The following MTOR variants were observed in gnomAD, a reference collection of about 807,000 sequenced individuals.
MTOR encodes the protein serine/threonine-protein kinase mTOR.
MTOR carries 70 observed loss-of-function variants against 319.8 expected under a neutral mutation model. The observed-to-expected ratio is 0.22, with a 90% CI of 0.18 to 0.27. The LOEUF is 0.27. MTOR is among the 10% of genes least tolerant of loss of function. The pLI is 1.00. For missense variants in MTOR, 1,890 were observed against 3,274.4 expected, an observed-to-expected ratio of 0.58 and a Z score of 10.32; for synonymous variants, 1,183 against 1,211.4, an observed-to-expected ratio of 0.98 and a Z score of 0.49.
rs35051217 is a variant in MTOR at position 11,208,131 on chromosome 1, G to C, written c.3801+1181C>G. Among the ~76,000 whole-genome samples, 513 of 152,346 alleles carry C rather than the reference G, an allele frequency of 3.4e-3. 2 individuals are homozygous for C. Among genetic ancestry groups the C allele is most frequent in the Non-Finnish European group, 5.2e-3 (355 of 68,032 alleles). ...GCCTCCTGCCTGGCCCCTCCCTCCAGTGTGAGGTGTCAGCAGGGTGGCCTC... is the reference window on the plus strand; with the variant it reads ...GCCTCCTGCCTGGCCCCTCCCTCCACTGTGAGGTGTCAGCAGGGTGGCCTC... On this transcript the variant is annotated intron_variant, in intron 25 of 57. Coordinates refer to ENST00000361445, the MANE Select transcript of MTOR (RefSeq NM_004958.4).
intron 31 of MTOR, 37 bp from the exon 32 acceptor site, chr1:11,146,828 G>T: frequency 1.3e-6 from 2 of 1,501,624 alleles, no homozygotes; most frequent in East Asian, 2.3e-5. Context: ...CATCAAGGGG[G>T]TTGGCTGGTT....
intron 28 of MTOR, among the ~76,000 whole-genome samples, chr1:11,179,281 G>A (rs75599216): frequency 0.03 from 4,541 of 152,230 alleles, 176 homozygotes; most frequent in Admixed American, 0.071. Context: ...TTGGGATGCA[G>A]CATACAATTC....
At chr1:11,130,472 T>C (rs2100428420) in intron 39 of MTOR, 57 bp downstream of exon 39, 1 of 1,580,026 alleles carries the variant, frequency 6.3e-7, no homozygotes, top group South Asian at 1.2e-5. Flanking sequence ...AACGATTCCA[T>C]TTCTCAGAGA....
At chr1:11,189,454 C>T in intron 28 of MTOR, 2 of 1,171,136 alleles carry the variant, frequency 1.7e-6, no homozygotes, top group Non-Finnish European at 2.4e-6. Context: ...GAGAAAACAA[C>T]AAAGTGGCGA....
At chr1:11,196,964 C>T (rs532525277) in intron 28 of MTOR, among the ~76,000 whole-genome samples, 25 of 151,876 alleles carry the variant, frequency 1.6e-4, no homozygotes, top group African/African-American at 5.8e-4. Context: ...AATGTATATA[C>T]TAAAATAAGC....
At chr1:11,252,013 G>A (rs1649761379) in intron 6 of MTOR, among the ~76,000 whole-genome samples, 1 of 152,002 alleles carries the variant, frequency 6.6e-6, no homozygotes, top group African/African-American at 2.4e-5. Flanking sequence ...GTGCTGTGCT[G>A]GACACTTCAC....
At position 11,209,336 on chromosome 1, in the gene MTOR, G is replaced by A. The variant is rs755448166; in HGVS notation, c.3777C>T (p.His1259=). 4.9e-5 allele frequency: 79 copies of A among 1,614,054 alleles called. No homozygotes were observed. Among genetic ancestry groups the A allele is most frequent in the Non-Finnish European group, 6.4e-5 (76 of 1,180,028 alleles). ...CCTTTTGGAGGTTGATGGTGCTGAC[G>A]TGCAGTTTCTTCATGGGTCCTGTTT... is the stretch of plus-strand genomic sequence containing the variant. ...PVETGPMKKL[H]VSTINLQKAW... The change falls in exon 25 of 58, where the codon CAC becomes CAT. Residue 1259 remains histidine (H), a synonymous_variant. Transcript: ENST00000361445.
intron 26 of MTOR, among the ~76,000 whole-genome samples, chr1:11,203,683 A>T (rs1166991136): frequency 1.3e-5 from 2 of 152,222 alleles, no homozygotes; most frequent in Non-Finnish European, 2.9e-5. Context: ...AAGAAAAAAT[A>T]AATTCTGGCA....
chr1:11,247,557 T>C (rs1649012723), intron 8 of MTOR, 68 bp downstream of exon 8: 1 of 1,431,756 alleles, frequency 7.0e-7, no homozygotes, highest in Non-Finnish European at 9.8e-7. Context: ...GATATTTGGC[T>C]TTTCTGGAAT....
At chr1:11,162,903 C>T (rs1190951565) in intron 29 of MTOR, among the ~76,000 whole-genome samples, 1 of 152,166 alleles carries the variant, frequency 6.6e-6, no homozygotes, top group African/African-American at 2.4e-5. Context: ...CAGCTAACAT[C>T]ATAATGACAG....
At chr1:11,131,968 TTTA>T in intron 38 of MTOR, 1 of 152,336 alleles carries the variant, frequency 6.6e-6, no homozygotes, top group South Asian at 2.1e-4. Context: ...CATACCTTCA[TTTA>T]TTCACTGAAT....
intron 49 of MTOR, among the ~76,000 whole-genome samples, chr1:11,119,553 A>G (rs1412768988): frequency 1.5e-5 from 2 of 136,452 alleles, no homozygotes; most frequent in Non-Finnish European, 3.1e-5. Flanking sequence ...CCTGGGTGAC[A>G]GACTGAGATT....
intron 13 of MTOR, among the ~76,000 whole-genome samples, chr1:11,235,994 AAAG>A (rs1477057176): frequency 1.3e-5 from 2 of 151,324 alleles, no homozygotes; most frequent in Non-Finnish European, 2.9e-5. Flanking sequence ...AAAAAAAAAG[AAAG>A]AAGATTGCAG....
rs778675093 is a variant in MTOR at position 11,194,972 on chromosome 1, C to T, written c.4253+4286G>A. On this transcript the variant is annotated intron_variant, in intron 28 of 57. Coordinates refer to ENST00000361445, the MANE Select transcript of MTOR (RefSeq NM_004958.4). ...GGTATGGCTGGCATGGATCTACCTA[C>T]TCCCTCAAACGGGTGGAGATGAAAA... 5 of 1,614,104 alleles carry T rather than the reference C, an allele frequency of 3.1e-6. No homozygotes were observed. The South Asian group carries it at 4.4e-5, about 14-fold the overall frequency.
rs1296454654 is a variant in MTOR at position 11,215,995 on chromosome 1, C to CAAAGGG, written c.3117+152_3117+153insCCCTTT. ...ACCTGGAGCAACAGCCCTTCCTCCCCCTCAAAATCCAGTGGGCTTTGTTCC... is the reference window on the plus strand; with the variant it reads ...ACCTGGAGCAACAGCCCTTCCTCCCCAAAGGGCTCAAAATCCAGTGGGCTTTGTTCC... On this transcript the variant is annotated intron_variant, in intron 20 of 57. Coordinates refer to ENST00000361445, the MANE Select transcript of MTOR (RefSeq NM_004958.4). 9.8e-5 allele frequency among the ~76,000 whole-genome samples: 15 copies of CAAAGGG among 152,322 alleles called. No individual in the cohort carries two copies. The East Asian group carries it at 1.9e-3, about 20-fold the overall frequency.
chr1:11,108,362 T>A, intron 56 of MTOR, 76 bp from the exon 57 acceptor site: 1 of 1,119,558 alleles, frequency 8.9e-7, no homozygotes, highest in South Asian at 1.3e-5. Context: ...TGGGCTTAAC[T>A]GTCTATGCCA....
At chr1:11,192,116 T>A (rs1645561856) in intron 28 of MTOR, among the ~76,000 whole-genome samples, 1 of 152,068 alleles carries the variant, frequency 6.6e-6, no homozygotes, top group Admixed American at 6.6e-5. Flanking sequence ...CCCCTCTGGA[T>A]CTCCCCATAT....
chr1:11,197,810 T>C (rs1396766568), intron 28 of MTOR, among the ~76,000 whole-genome samples: 1 of 152,222 alleles, frequency 6.6e-6, no homozygotes, highest in East Asian at 1.9e-4. Flanking sequence ...CCCAGAGTGC[T>C]GGGATTACAG....
chr1:11,220,031 C>CAAAAAAAAAA (rs35124153), intron 19 of MTOR, among the ~76,000 whole-genome samples: 3 of 54,242 alleles, frequency 5.5e-5, no homozygotes, highest in Non-Finnish European at 6.9e-5. Flanking sequence ...GACTTGATCT[C>CAAAAAAAAAA]AAAAAAAAAA....
Sources: allele counts gnomAD v4.1 joint callset (sites outside exome capture counted in the v4.1 genomes callset), GRCh38; gene constraint gnomAD v4.1.1; transcripts MANE v1.5; gene names NCBI Gene and HGNC (gene_info 2026-07-23, HGNC 2026-07-21).